CDH20: variants seen among roughly 807,000 people sequenced by gnomAD.
The protein encoded by CDH20 is cadherin 20, also known as cadherin-20.
Under a neutral mutation model 74.2 loss-of-function variants are expected in CDH20, and 29 were observed. That is an observed-to-expected ratio of 0.39 (90% CI 0.29 to 0.53). The LOEUF (loss-of-function observed/expected upper bound fraction) is 0.53. Ranked by LOEUF, CDH20 falls within the 20% of genes least tolerant of loss-of-function variation. The pLI is 0.69. For synonymous variants in CDH20, 469 were observed against 405.4 expected (o/e 1.16, Z -1.88); for missense variants, 988 against 1,048.3 (o/e 0.94, Z 0.79).
rs535427246 is a variant in CDH20, at chr18:61,357,169, A to G, written c.-153+23342A>G. ...GCAGCCAGAATACTCTCCAAGAAAA[A>G]ACTAGATTTTACCCGTCTTTTGCTT... On this transcript the variant is annotated intron_variant, in intron 1 of 11. Transcript: ENST00000262717. Among the ~76,000 whole-genome samples, 7 of 152,204 alleles carry G rather than the reference A, an allele frequency of 4.6e-5. No individual in the cohort carries two copies. The South Asian group carries it at 1.5e-3, about 32-fold the overall frequency.
chr18:61,368,964 TA>T (rs2144150901), intron 1 of CDH20, among the ~76,000 whole-genome samples: 1 of 151,936 alleles, frequency 6.6e-6, no homozygotes, highest in South Asian at 2.1e-4. Context: ...TGTAGTAATT[TA>T]AAAACCTAGT....
chr18:61,381,962 C>A (rs1450399623), intron 1 of CDH20, among the ~76,000 whole-genome samples: 2 of 152,064 alleles, frequency 1.3e-5, no homozygotes, highest in African/African-American at 4.8e-5. Flanking sequence ...CCTTCTGTCA[C>A]TACTACCCCC....
chr18:61,396,981 C>T (rs1022468246), intron 1 of CDH20, among the ~76,000 whole-genome samples: 2 of 152,146 alleles, frequency 1.3e-5, no homozygotes, highest in Non-Finnish European at 2.9e-5. Context: ...CGTATGTTCC[C>T]GGGGACCATG....
intron 1 of CDH20, among the ~76,000 whole-genome samples, chr18:61,380,428 G>T (rs940726940): frequency 2.6e-5 from 4 of 152,148 alleles, no homozygotes; most frequent in Non-Finnish European, 5.9e-5. Flanking sequence ...GACAAAGTAT[G>T]GGTTGCTTTT....
At chr18:61,443,792 T>C (rs1251533734) in intron 1 of CDH20, among the ~76,000 whole-genome samples, 1 of 152,114 alleles carries the variant, frequency 6.6e-6, no homozygotes, top group Non-Finnish European at 1.5e-5. Context: ...CTAGAGAAGC[T>C]TTCAGGACCC....
intron 1 of CDH20, among the ~76,000 whole-genome samples, chr18:61,397,749 G>C (rs1416458079): frequency 6.6e-6 from 1 of 152,026 alleles, no homozygotes; most frequent in African/African-American, 2.4e-5. Context: ...TGTAACCTTA[G>C]GCAAGTTACT....
intron 11 of CDH20, among the ~76,000 whole-genome samples, chr18:61,553,060 G>A (rs564237205): frequency 1.3e-5 from 2 of 152,182 alleles, no homozygotes; most frequent in South Asian, 2.1e-4. Context: ...AAAATATTAC[G>A]TATTAATGTC....
At chr18:61,391,335 G>A (rs185339657) in intron 1 of CDH20, among the ~76,000 whole-genome samples, 321 of 152,222 alleles carry the variant, frequency 2.1e-3, no homozygotes, top group African/African-American at 7.4e-3. Context: ...AAAGGGGATA[G>A]ACAATGGAAG....
chr18:61,440,608 C>T, intron 1 of CDH20, among the ~76,000 whole-genome samples: 1 of 152,152 alleles, frequency 6.6e-6, no homozygotes, highest in East Asian at 1.9e-4. Context: ...TTCAGTGAAA[C>T]TCACTCATGA....
At position 61,419,600 on chromosome 18, in the gene CDH20, T is replaced by C. The variant is rs573756338; in HGVS notation, c.-152-70802T>C. On this transcript the variant is annotated intron_variant, in intron 1 of 11. Transcript: ENST00000262717. ...AATACTTTATATATCAGTATTTGTATCTTTTCCCAATCTGAAACTTTTTTG... is the reference window on the plus strand; with the variant it reads ...AATACTTTATATATCAGTATTTGTACCTTTTCCCAATCTGAAACTTTTTTG... Among the ~76,000 whole-genome samples, 3 of 152,320 alleles carry C rather than the reference T, an allele frequency of 2.0e-5. No individual in the cohort carries two copies. In the East Asian group the frequency reaches 5.8e-4, roughly 29 times the overall value.
chr18:61,490,598 A>G lies in CDH20; in HGVS notation c.45A>G (p.Gly15=). ...TGAGCAATGCAAAGAACTGGCTTGGACTTGGCATGTCCTTGTACTTCTGGG... is the reference window on the plus strand; with the variant it reads ...TGAGCAATGCAAAGAACTGGCTTGGGCTTGGCATGTCCTTGTACTTCTGGG... ...GRMSNAKNWL[G]LGMSLYFWGL... Residue 15 remains glycine (G), a synonymous_variant, in exon 2 of 12, where the codon GGA becomes GGG. Transcript: ENST00000262717. 6.2e-7 allele frequency: 1 copy of G among 1,614,124 alleles called. No homozygotes were observed. The highest frequency in any genetic ancestry group is 8.5e-7 in the Non-Finnish European group (1 of 1,180,004).
intron 1 of CDH20, among the ~76,000 whole-genome samples, chr18:61,487,169 T>G (rs1910796524): frequency 6.6e-6 from 1 of 152,224 alleles, no homozygotes; most frequent in Non-Finnish European, 1.5e-5. Context: ...ATATGTAGTC[T>G]TCCAAAGCAG....
At chr18:61,385,450 T>C (rs1252219143) in intron 1 of CDH20, among the ~76,000 whole-genome samples, 1 of 152,016 alleles carries the variant, frequency 6.6e-6, no homozygotes, top group Non-Finnish European at 1.5e-5. Flanking sequence ...TATATACCAG[T>C]GATATATTTC....
intron 1 of CDH20, among the ~76,000 whole-genome samples, chr18:61,339,297 C>T (rs1452743465): frequency 6.6e-6 from 1 of 151,722 alleles, no homozygotes; most frequent in Non-Finnish European, 1.5e-5. Context: ...TCAGATTCTA[C>T]TCTTTAAGTA....
rs144674172 is a variant in CDH20 at position 61,507,465 on chromosome 18, G to C, written c.922G>C (p.Glu308Gln). Residue 308 changes from glutamate to glutamine, a missense_variant, in exon 6 of 12, where the codon GAG becomes CAG. Coordinates refer to ENST00000262717, the MANE Select transcript of CDH20 (RefSeq NM_031891.4). ...AKDLDEGINAEMKYTIVDGDG... is the reference protein window; with the variant it reads ...AKDLDEGINAQMKYTIVDGDG... ...GGACTTGGATGAAGGCATCAATGCA[G>C]AGATGAAATATACTATTGTGGATGG... is the stretch of plus-strand genomic sequence containing the variant. The C allele has an allele frequency of 3.1e-6, 5 of 1,614,016 alleles. No individual in the cohort carries two copies. In the Admixed American group the frequency reaches 6.7e-5, roughly 22 times the overall value.
intron 6 of CDH20, among the ~76,000 whole-genome samples, chr18:61,527,227 A>G (rs531027780): frequency 6.6e-6 from 1 of 152,310 alleles, no homozygotes; most frequent in Admixed American, 6.5e-5. Context: ...TGAACTAAAT[A>G]TACAAACATT....
intron 1 of CDH20, among the ~76,000 whole-genome samples, chr18:61,473,826 TA>T (rs1910273981): frequency 6.6e-6 from 1 of 152,160 alleles, no homozygotes; most frequent in South Asian, 2.1e-4. Flanking sequence ...CAGCAGGTCA[TA>T]AAAAATATCT....
chr18:61,400,047 T>C (rs369842223), intron 1 of CDH20, among the ~76,000 whole-genome samples: 4 of 152,332 alleles, frequency 2.6e-5, no homozygotes, highest in African/African-American at 9.6e-5. Context: ...TATAAGCCTA[T>C]TGAGAACAGA....
At chr18:61,419,517 A>C (rs1227282946) in intron 1 of CDH20, among the ~76,000 whole-genome samples, 1 of 152,222 alleles carries the variant, frequency 6.6e-6, no homozygotes, top group Admixed American at 6.5e-5. Flanking sequence ...CAATACAACC[A>C]TGCAATTTTA....
Sources: allele counts gnomAD v4.1 joint callset (sites outside exome capture counted in the v4.1 genomes callset), GRCh38; gene constraint gnomAD v4.1.1; transcripts MANE v1.5; gene names NCBI Gene and HGNC (gene_info 2026-07-23, HGNC 2026-07-21).